Variants in RPH3A observed in about 807,000 individuals in gnomAD.
RPH3A encodes rabphilin 3A.
In RPH3A, 48 loss-of-function variants were observed where a neutral mutation model predicts 102.2. That is an observed-to-expected ratio of 0.47 (90% CI 0.37 to 0.60). RPH3A has a LOEUF of 0.60. Ranked by LOEUF, RPH3A falls within the 20% of genes least tolerant of loss-of-function variation. The pLI, the probability that RPH3A is intolerant of heterozygous loss-of-function variation, is 0.00. For synonymous variants in RPH3A, 310 were observed against 324.3 expected, an observed-to-expected ratio of 0.96 and a Z score of 0.47; for missense variants, 781 against 910.1, an observed-to-expected ratio of 0.86 and a Z score of 1.83.
chr12:112,890,538 G>A (rs1295308502), intron 18 of RPH3A, among the ~76,000 whole-genome samples: 1 of 152,204 alleles, frequency 6.6e-6, no homozygotes, highest in Non-Finnish European at 1.5e-5. Context: ...TGGGGCCAGG[G>A]TCAAGGCTCA....
At position 112,738,783 on chromosome 12, in the gene RPH3A, T is replaced by C. The variant is rs143650998; in HGVS notation, c.-139-53360T>C. On this transcript the variant is annotated intron_variant, in intron 1 of 21. Coordinates refer to the RPH3A transcript ENST00000543106. ...CCATGCTGAACTTGTGCCCATATCA[T>C]ACATTTCATAATCCTAATTGTGGCT... 4.6e-3 allele frequency among the ~76,000 whole-genome samples: 708 copies of C among 152,312 alleles called. 3 individuals are homozygous for C. The highest frequency in any genetic ancestry group is 0.015 in the African/African-American group (634 of 41,564).
intron 1 of RPH3A, among the ~76,000 whole-genome samples, chr12:112,667,604 G>A (rs2040093820): frequency 6.6e-6 from 1 of 150,894 alleles, no homozygotes; most frequent in African/African-American, 2.4e-5. Context: ...TAGGGACAGT[G>A]CAGGGACCCA....
At chr12:112,668,523 G>A (rs537925906) in intron 1 of RPH3A, among the ~76,000 whole-genome samples, 83 of 152,260 alleles carry the variant, frequency 5.5e-4, no homozygotes, top group African/African-American at 1.9e-3. Flanking sequence ...CATGGATGAA[G>A]CTGGAAGCCA....
chr12:112,744,519 ACT>A (rs1188253400), intron 1 of RPH3A, among the ~76,000 whole-genome samples: 2 of 151,938 alleles, frequency 1.3e-5, no homozygotes, highest in Non-Finnish European at 2.9e-5. Context: ...GGGCTGGAAA[ACT>A]CTGAGGATTT....
intron 1 of RPH3A, among the ~76,000 whole-genome samples, chr12:112,604,247 A>G (rs1050086754): frequency 9.9e-5 from 15 of 152,148 alleles, no homozygotes; most frequent in African/African-American, 3.6e-4. Context: ...TAACTTTTCA[A>G]TTTTACTGAG....
At chr12:112,737,181 A>C (rs1050141137) in intron 1 of RPH3A, among the ~76,000 whole-genome samples, 14 of 151,824 alleles carry the variant, frequency 9.2e-5, no homozygotes, top group East Asian at 1.9e-4. Flanking sequence ...AAATAAAAAA[A>C]AAACAAACAA....
chr12:112,792,810 G>C (rs1219373123), intron 2 of RPH3A, among the ~76,000 whole-genome samples: 1 of 152,226 alleles, frequency 6.6e-6, no homozygotes, highest in African/African-American at 2.4e-5. Context: ...GAGGTTGGCT[G>C]TTCACGCTTT....
chr12:112,714,992 C>T (rs2040504062), intron 1 of RPH3A, among the ~76,000 whole-genome samples: 2 of 152,160 alleles, frequency 1.3e-5, no homozygotes, highest in South Asian at 4.1e-4. Context: ...AATTTAAGTT[C>T]CACCTCCTCC....
intron 1 of RPH3A, among the ~76,000 whole-genome samples, chr12:112,732,233 T>C (rs749588256): frequency 6.6e-6 from 1 of 152,152 alleles, no homozygotes; most frequent in Non-Finnish European, 1.5e-5. Context: ...CACTCTCTAT[T>C]ACCTTGGCTA....
chr12:112,881,774 C>A lies in RPH3A; in HGVS notation c.1254C>A (p.Gly418=), dbSNP rs147215605. The part of the protein sequence containing the change: ...SLQCTIIKAK[G]LKPMDSNGLA... Reference sequence around the variant, plus strand: ...ACCATTGCCTCCTTCTCTTGCAGGGCCTGAAGCCCATGGATTCAAACGGCT... The same window carrying A: ...ACCATTGCCTCCTTCTCTTGCAGGGACTGAAGCCCATGGATTCAAACGGCT... Residue 418 remains glycine (G), a splice_region_variant and synonymous_variant, in exon 15 of 22, where the codon GGC becomes GGA. Coordinates refer to ENST00000389385, the MANE Select transcript of RPH3A (RefSeq NM_001143854.2). 2.2e-5 allele frequency: 36 copies of A among 1,610,538 alleles called. No homozygotes were observed. The Middle Eastern group carries it at 6.6e-4, about 30-fold the overall frequency.
At chr12:112,736,595 C>A (rs758339815) in intron 1 of RPH3A, among the ~76,000 whole-genome samples, 53 of 152,316 alleles carry the variant, frequency 3.5e-4, no homozygotes, top group Middle Eastern at 3.4e-3. Context: ...ATTAACGACC[C>A]TTGGGATAAG....
intron 1 of RPH3A, among the ~76,000 whole-genome samples, chr12:112,622,863 G>T (rs1207220285): frequency 7.3e-6 from 1 of 136,102 alleles, no homozygotes; most frequent in Non-Finnish European, 1.6e-5. Flanking sequence ...AGATCTCTCG[G>T]CAGAAACCCT....
At chr12:112,689,599 G>A (rs10492018) in intron 1 of RPH3A, among the ~76,000 whole-genome samples, 48,657 of 151,972 alleles carry the variant, frequency 0.32, 8,092 homozygotes, top group African/African-American at 0.41. Context: ...TGTTAATTTG[G>A]GTCAGACAAT....
chr12:112,851,035 G>A (rs943435503), intron 5 of RPH3A: 5 of 152,200 alleles, frequency 3.3e-5, no homozygotes, highest in Non-Finnish European at 7.3e-5. Flanking sequence ...CCATGATGCT[G>A]AATGTTCTTT....
Position 112,744,096 on chromosome 12 carries a change from G to C in RPH3A, c.-139-48047G>C, listed in dbSNP as rs543421910. On this transcript the variant is annotated intron_variant, in intron 1 of 21. Coordinates refer to the RPH3A transcript ENST00000543106. ...TCTTTCTTTCTTTCTTTTTTTCCAA[G>C]ACAGAGTCTTGCTCTGTAGCCCAGG... Among the ~76,000 whole-genome samples the C allele has an allele frequency of 1.8e-4, 28 of 151,994 alleles. No homozygotes were observed. In the South Asian group the frequency reaches 4.0e-3, roughly 21 times the overall value.
chr12:112,830,555 C>A (rs972850045), intron 3 of RPH3A, among the ~76,000 whole-genome samples: 16 of 152,032 alleles, frequency 1.1e-4, no homozygotes, highest in African/African-American at 3.9e-4. Context: ...GTGTTTATAA[C>A]TTTTTTTACA....
intron 5 of RPH3A, among the ~76,000 whole-genome samples, chr12:112,849,053 G>A (rs1481326832): frequency 1.3e-5 from 2 of 152,174 alleles, no homozygotes; most frequent in Non-Finnish European, 2.9e-5. Flanking sequence ...ATTGCCAACT[G>A]CTTACAGCGG....
rs1406265701 is a variant in RPH3A, at chr12:112,890,982, A to G, written c.1754A>G (p.Tyr585Cys). The change falls in exon 19 of 22, where the codon TAC becomes TGC. Residue 585 changes from tyrosine to cysteine, a missense_variant. Physicochemically the swap from Tyr to Cys is radical, Grantham distance 194. Coordinates refer to ENST00000389385, the MANE Select transcript of RPH3A (RefSeq NM_001143854.2). ...CTGGCTGCCATGGACGCTAATGGCT[A>G]CTCAGACCCATTCGTCAAGCTGTAA... The part of the protein sequence containing the change: ...VHLAAMDANG[Y>C]SDPFVKLWLK... 1.2e-6 allele frequency: 2 copies of G among 1,614,064 alleles called. No individual in the cohort carries two copies. Among genetic ancestry groups the G allele is most frequent in the African/African-American group, 1.3e-5 (1 of 75,010 alleles).
At chr12:112,680,049 G>C (rs1195117348) in intron 1 of RPH3A, among the ~76,000 whole-genome samples, 2 of 152,170 alleles carry the variant, frequency 1.3e-5, no homozygotes, top group Non-Finnish European at 2.9e-5. Flanking sequence ...TCCAGGCAGG[G>C]GCACAGCATG....
Sources: allele counts gnomAD v4.1 joint callset (sites outside exome capture counted in the v4.1 genomes callset), GRCh38; gene constraint gnomAD v4.1.1; transcripts MANE v1.5; gene names NCBI Gene and HGNC (gene_info 2026-07-23, HGNC 2026-07-21).